The following DOCK1 variants were observed in gnomAD, a reference collection of about 807,000 sequenced individuals.
The protein encoded by DOCK1 is dedicator of cytokinesis protein 1.
In DOCK1, 138 loss-of-function variants were observed where a neutral mutation model predicts 262.7. That is an observed-to-expected ratio of 0.53 (90% confidence interval 0.46 to 0.61). The LOEUF (loss-of-function observed/expected upper bound fraction) is 0.61, where lower values mean the gene tolerates loss of function less well. Ranked by LOEUF, DOCK1 falls within the 20% of genes least tolerant of loss-of-function variation. DOCK1 has a pLI of 0.00. For missense variants in DOCK1, 1,908 were observed against 2,370.7 expected, an observed-to-expected ratio of 0.80 and a Z score of 4.05; for synonymous variants, 866 against 867.4, an observed-to-expected ratio of 1.00 and a Z score of 0.03.
intron 1 of DOCK1, among the ~76,000 whole-genome samples, chr10:126,936,629 G>A (rs2034575022): frequency 1.3e-5 from 2 of 152,164 alleles, no homozygotes; most frequent in African/African-American, 4.8e-5. Flanking sequence ...TTGGTTCAAA[G>A]TATTTCATGA....
Position 127,446,877 on chromosome 10 carries a change from A to C in DOCK1, c.5414-517A>C, listed in dbSNP as rs2070597263. ...AGTGACTGCTATGGCTAATGACTTC[A>C]TGTCATACGACTGTGGATTTTCCTG... is the stretch of plus-strand genomic sequence containing the variant. On this transcript the variant is annotated intron_variant, in intron 50 of 51. Coordinates refer to ENST00000623213, the MANE Select transcript of DOCK1 (RefSeq NM_001290223.2). This position sits in a 1 kb window ranked among gnomAD's most constrained non-coding sequence, Gnocchi z 4.4. Among the ~76,000 whole-genome samples, 1 of 152,206 alleles carries C rather than the reference A, an allele frequency of 6.6e-6. No homozygotes were observed. Among genetic ancestry groups the C allele is most frequent in the Non-Finnish European group, 1.5e-5 (1 of 68,040 alleles).
intron 27 of DOCK1, among the ~76,000 whole-genome samples, chr10:127,186,768 G>A (rs995688672): frequency 1.3e-4 from 20 of 152,056 alleles, no homozygotes; most frequent in African/African-American, 3.9e-4. Flanking sequence ...TGAGATGAAC[G>A]TGGAGAGGAA....
intron 29 of DOCK1, among the ~76,000 whole-genome samples, chr10:127,336,819 G>A (rs965925038): frequency 2.0e-4 from 31 of 152,136 alleles, no homozygotes; most frequent in Non-Finnish European, 4.3e-4. Flanking sequence ...GATTACAGGC[G>A]TGAGCCACCG....
rs539883277 is a variant in DOCK1 at position 127,004,751 on chromosome 10, C to A, written c.986-3981C>A. 3.4e-3 allele frequency among the ~76,000 whole-genome samples: 435 copies of A among 127,282 alleles called. 5 individuals are homozygous for A. The highest frequency in any genetic ancestry group is 0.011 in the Middle Eastern group (3 of 262). The allele number at this position is 127,282 out of a possible 152,430, so 83.5% of individuals were successfully genotyped here. A position where few individuals can be genotyped will look rare whatever the true frequency, so the allele number is the denominator to read the frequency against. On this transcript the variant is annotated intron_variant, in intron 10 of 51. Transcript: ENST00000623213. ...GGGCTACAGAGTCATCCTGTCCCCCCCAACGGCCCCCTGCCCCGCCACCCC... is the reference window on the plus strand; with the variant it reads ...GGGCTACAGAGTCATCCTGTCCCCCACAACGGCCCCCTGCCCCGCCACCCC...
At chr10:127,278,859 T>C (rs2060841418) in intron 29 of DOCK1, among the ~76,000 whole-genome samples, 1 of 152,224 alleles carries the variant, frequency 6.6e-6, no homozygotes, top group African/African-American at 2.4e-5. Context: ...TGTTTAGATC[T>C]GTTACTTACA....
At chr10:126,909,767 C>A (rs77478344) in intron 1 of DOCK1, among the ~76,000 whole-genome samples, 4,949 of 152,240 alleles carry the variant, frequency 0.033, 99 homozygotes, top group Non-Finnish European at 0.045. Flanking sequence ...TTTAGCCCTG[C>A]GTTTAAGATA....
intron 48 of DOCK1, among the ~76,000 whole-genome samples, chr10:127,434,605 T>C (rs572694971): frequency 2.9e-4 from 44 of 151,902 alleles, no homozygotes; most frequent in Non-Finnish European, 5.4e-4. Context: ...GATTAAACAC[T>C]AACTTTGCAT....
At chr10:127,051,707 T>C (rs4751477) in intron 21 of DOCK1, among the ~76,000 whole-genome samples, 95,476 of 151,946 alleles carry the variant, frequency 0.63, 30,573 homozygotes, top group South Asian at 0.72. Context: ...CTCAGCCTCT[T>C]GAGTAGCTAG....
intron 23 of DOCK1, among the ~76,000 whole-genome samples, chr10:127,073,855 G>A (rs1032059369): frequency 6.6e-6 from 1 of 152,198 alleles, no homozygotes; most frequent in Non-Finnish European, 1.5e-5. Context: ...GCAAATTGGC[G>A]ACTTTGTGAA....
chr10:127,146,204 G>A (rs571060452), intron 27 of DOCK1: 8 of 298,346 alleles, frequency 2.7e-5, no homozygotes, highest in African/African-American at 1.8e-4. Context: ...TGACCTTGGG[G>A]TATAACCAAA....
chr10:127,324,674 T>A (rs1455696728), intron 29 of DOCK1, among the ~76,000 whole-genome samples: 17 of 152,142 alleles, frequency 1.1e-4, no homozygotes, highest in African/African-American at 4.1e-4. Flanking sequence ...AAGTTAACTG[T>A]TATCTCACCA....
intron 1 of DOCK1, among the ~76,000 whole-genome samples, chr10:126,907,208 T>C (rs2031035046): frequency 6.6e-6 from 1 of 151,858 alleles, no homozygotes. Context: ...GGGTAGTGTG[T>C]AGAGGAGAGA....
chr10:127,087,756 C>T (rs1019370400), intron 23 of DOCK1, among the ~76,000 whole-genome samples: 1 of 152,046 alleles, frequency 6.6e-6, no homozygotes, highest in Non-Finnish European at 1.5e-5. Flanking sequence ...GAAGTAGAAC[C>T]AAAATAATTT....
At chr10:127,283,405 A>C (rs2061033193) in intron 29 of DOCK1, among the ~76,000 whole-genome samples, 1 of 152,256 alleles carries the variant, frequency 6.6e-6, no homozygotes, top group African/African-American at 2.4e-5. Flanking sequence ...TGAAGCCTCC[A>C]GAAGGCACAC....
At chr10:127,076,738 A>C (rs566924786) in intron 23 of DOCK1, among the ~76,000 whole-genome samples, 5 of 152,090 alleles carry the variant, frequency 3.3e-5, no homozygotes, top group Non-Finnish European at 7.4e-5. Flanking sequence ...CCAAGACTCC[A>C]TTCCAGGCCT....
intron 32 of DOCK1, 89 bp downstream of exon 32, chr10:127,354,816 T>C: frequency 6.7e-7 from 1 of 1,493,032 alleles, no homozygotes; most frequent in Admixed American, 1.8e-5. Flanking sequence ...TTGGGATGTC[T>C]TAAGATCTTA....
chr10:126,966,230 T>C (rs2037667510), intron 1 of DOCK1, among the ~76,000 whole-genome samples: 2 of 152,230 alleles, frequency 1.3e-5, no homozygotes, highest in Non-Finnish European at 2.9e-5. Flanking sequence ...TTCCATTATG[T>C]ATATATACCA....
chr10:127,132,080 T>A (rs2050359679), intron 27 of DOCK1, among the ~76,000 whole-genome samples: 1 of 152,246 alleles, frequency 6.6e-6, no homozygotes, highest in Non-Finnish European at 1.5e-5. Context: ...GATTATGCCC[T>A]GACAGCTTCC....
At chr10:126,948,984 C>T (rs1291875563) in intron 1 of DOCK1, among the ~76,000 whole-genome samples, 1 of 152,060 alleles carries the variant, frequency 6.6e-6, no homozygotes, top group Admixed American at 6.6e-5. Context: ...CCCGGGCCCA[C>T]CCCCTGGACC....
Sources: allele counts gnomAD v4.1 joint callset (sites outside exome capture counted in the v4.1 genomes callset), GRCh38; gene constraint gnomAD v4.1.1; non-coding constraint Gnocchi (gnomAD v3.1); transcripts MANE v1.5; gene names NCBI Gene and HGNC (gene_info 2026-07-23, HGNC 2026-07-21).